The following TARS3 variants were observed in gnomAD, a reference collection of about 807,000 sequenced individuals.
TARS3 encodes the protein threonine--tRNA ligase 2, cytoplasmic.
TARS3 carries 94 observed loss-of-function variants against 103.5 expected under a neutral mutation model. The ratio of observed to expected loss-of-function variants is 0.91; its 90% CI spans 0.77 to 1.08. TARS3 has a LOEUF of 1.08. TARS3 is among the 50% of genes least tolerant of loss of function. TARS3 has a pLI of 0.00. For missense variants in TARS3, 952 were observed against 995.2 expected, an observed-to-expected ratio of 0.96 and a Z score of 0.58; for synonymous variants, 416 against 355.4, an observed-to-expected ratio of 1.17 and a Z score of -1.92.
chr15:101,695,431 C>T (rs1210678241), intron 10 of TARS3, among the ~76,000 whole-genome samples: 1 of 152,214 alleles, frequency 6.6e-6, no homozygotes, highest in Non-Finnish European at 1.5e-5. Flanking sequence ...CAGTATCTCA[C>T]TGCTTGTAAA....
At position 101,654,353 on chromosome 15, in the gene TARS3, G is replaced by A. The variant is rs1048059991; in HGVS notation, c.*229C>T. The A allele has an allele frequency of 1.6e-5, 7 of 425,882 alleles. No individual in the cohort carries two copies. Among genetic ancestry groups the A allele is most frequent in the Non-Finnish European group, 2.9e-5 (7 of 244,608 alleles). The allele number at this position is 425,882 out of a possible 1,614,324, so 26.4% of individuals were successfully genotyped here. Reference sequence around the variant, plus strand: ...ATATTTCCCCATTTAAGTTTCTCAAGGCATTGATTGCTGGAAAATTTCCCA... The same window carrying A: ...ATATTTCCCCATTTAAGTTTCTCAAAGCATTGATTGCTGGAAAATTTCCCA... On this transcript the variant is annotated 3_prime_UTR_variant, in exon 19 of 19. Transcript: ENST00000335968.
At chr15:101,685,075 A>G (rs1004896744) in intron 11 of TARS3, among the ~76,000 whole-genome samples, 1 of 152,208 alleles carries the variant, frequency 6.6e-6, no homozygotes, top group Non-Finnish European at 1.5e-5. Flanking sequence ...TTTACATGAC[A>G]TCATCATAAA....
At chr15:101,674,732 G>A (rs992785976) in intron 13 of TARS3, among the ~76,000 whole-genome samples, 1 of 151,828 alleles carries the variant, frequency 6.6e-6, no homozygotes. Flanking sequence ...GTGAACCCGG[G>A]AGGTGGAGCT....
chr15:101,701,048 G>A, intron 10 of TARS3, 38 bp downstream of exon 10: 2 of 1,298,758 alleles, frequency 1.5e-6, no homozygotes, highest in Non-Finnish European at 1.1e-6. Context: ...ATGTAAACTG[G>A]AATTGAATAA....
In TARS3 at chr15:101,671,553, A is replaced by G; in HGVS notation, c.1900T>C (p.Tyr634His). The G allele has an allele frequency of 6.2e-7, 1 of 1,612,006 alleles. No homozygotes were observed. The change falls in exon 15 of 19, where the codon TAC becomes CAC. Residue 634 changes from tyrosine (Y) to histidine (H), a missense_variant. Coordinates refer to ENST00000335968, the MANE Select transcript of TARS3 (RefSeq NM_152334.3). The stretch of plus-strand genomic sequence containing the variant: ...AGCTGAATTGTAGCACATTGATGGT[A>G]TCTGCCAATAGCATCCTTGATTTTT... ...DIKIKDAIGR[Y>H]HQCATIQLDF... is the part of the protein sequence containing the mutation.
intron 16 of TARS3, 69 bp from the exon 17 acceptor site, chr15:101,657,926 T>G: frequency 9.9e-7 from 1 of 1,007,562 alleles, no homozygotes; most frequent in South Asian, 1.6e-5. Context: ...GATTTTCAAA[T>G]AACCAAAGAT....
At chr15:101,689,717 C>T (rs879697365) in intron 10 of TARS3, among the ~76,000 whole-genome samples, 8 of 152,140 alleles carry the variant, frequency 5.3e-5, no homozygotes, top group South Asian at 2.1e-4. Flanking sequence ...AACACAGCCT[C>T]GTCAACACCT....
chr15:101,724,429 G>C lies in TARS3; in HGVS notation c.-42C>G. ...CACCGACGCCGAGCGGGGTGCCCGC[G>C]ACTGCGGCGAGGGCGACGCGGACAC... On this transcript the variant is annotated 5_prime_UTR_variant, in exon 1 of 19. Transcript: ENST00000335968. 1 of 1,360,698 alleles carries C rather than the reference G, an allele frequency of 7.3e-7. No individual in the cohort carries two copies. The highest frequency in any genetic ancestry group is 9.4e-7 in the Non-Finnish European group (1 of 1,064,126). The allele number at this position is 1,360,698 out of a possible 1,614,324, so 84.3% of individuals were successfully genotyped here.
chr15:101,714,887 C>CGACT lies in TARS3; in HGVS notation c.642_643insAGTC (p.Asp215SerfsTer11), dbSNP rs1596327758. 6.2e-7 allele frequency: 1 copy of CGACT among 1,613,400 alleles called. No individual in the cohort carries two copies. The highest frequency in any genetic ancestry group is 2.2e-5 in the East Asian group (1 of 44,846). On this transcript the variant is annotated frameshift_variant, in exon 4 of 19. Transcript: ENST00000335968. LOFTEE classifies it high-confidence loss of function. ...AATGTAAGCAGCTCTAGAGAAGAGT[C>CGACT]CCCTTCCAATGGGCGGTCCAGGTCC...
intron 12 of TARS3, among the ~76,000 whole-genome samples, chr15:101,679,459 A>C (rs1264692913): frequency 6.6e-6 from 1 of 151,796 alleles, no homozygotes; most frequent in Non-Finnish European, 1.5e-5. Context: ...GTTCTTCTTT[A>C]TATCTTCTAT....
chr15:101,715,199 T>C (rs1283031089), intron 3 of TARS3, among the ~76,000 whole-genome samples: 1 of 149,666 alleles, frequency 6.7e-6, no homozygotes, highest in African/African-American at 2.5e-5. Context: ...CAGGCTGGAG[T>C]GCAGTGGCGG....
intron 16 of TARS3, among the ~76,000 whole-genome samples, chr15:101,658,357 A>C (rs573364260): frequency 6.6e-6 from 1 of 152,122 alleles, no homozygotes; most frequent in South Asian, 2.1e-4. Flanking sequence ...ATCTCGAAAC[A>C]AAACAACATG....
chr15:101,686,279 A>G (rs1898471647), intron 10 of TARS3, among the ~76,000 whole-genome samples: 1 of 151,778 alleles, frequency 6.6e-6, no homozygotes, highest in South Asian at 2.1e-4. Context: ...ATTTTATAGC[A>G]TATAACAGTA....
intron 6 of TARS3, among the ~76,000 whole-genome samples, chr15:101,707,400 C>T (rs755174316): frequency 6.6e-6 from 1 of 152,164 alleles, no homozygotes; most frequent in East Asian, 1.9e-4. Flanking sequence ...TTCACAGCAG[C>T]GCTGTTCACA....
chr15:101,673,917 A>AT (rs1363646581), intron 13 of TARS3, among the ~76,000 whole-genome samples: 4 of 151,892 alleles, frequency 2.6e-5, no homozygotes, highest in Admixed American at 6.6e-5. Flanking sequence ...TATTTCTCAT[A>AT]TTGGTGTGTT....
At chr15:101,703,968 C>T in intron 7 of TARS3, 31 bp from the exon 8 acceptor site, 1 of 1,499,128 alleles carries the variant, frequency 6.7e-7, no homozygotes, top group South Asian at 1.1e-5. Flanking sequence ...CATGCTCAGG[C>T]ACAGTTACAG....
chr15:101,723,843 C>T (rs1438716635), intron 1 of TARS3, among the ~76,000 whole-genome samples: 1 of 152,228 alleles, frequency 6.6e-6, no homozygotes, highest in Admixed American at 6.5e-5. Flanking sequence ...AGATGCGTGG[C>T]AGGCTCTTTA....
chr15:101,703,838 T>A, intron 8 of TARS3, 21 bp downstream of exon 8: 1 of 1,519,492 alleles, frequency 6.6e-7, no homozygotes, highest in Non-Finnish European at 9.1e-7. Context: ...TTTACTGTAT[T>A]AAAAAAAAAT....
rs756504272 is a variant in TARS3, at chr15:101,714,978, G to A, written c.567-15C>T. On this transcript the variant is annotated splice_polypyrimidine_tract_variant and intron_variant, in intron 3 of 18. Coordinates refer to ENST00000335968, the MANE Select transcript of TARS3 (RefSeq NM_152334.3). ...CCAGTTCCTGACTAAGAAGACAAAA[G>A]CCACTTGGGAGTTAACTTTATCACT... The A allele has an allele frequency of 1.5e-5, 24 of 1,601,062 alleles. No homozygotes were observed. The highest frequency in any genetic ancestry group is 2.0e-5 in the Non-Finnish European group (23 of 1,174,372).
Sources: allele counts gnomAD v4.1 joint callset (sites outside exome capture counted in the v4.1 genomes callset), GRCh38; gene constraint gnomAD v4.1.1; transcripts MANE v1.5; gene names NCBI Gene and HGNC (gene_info 2026-07-23, HGNC 2026-07-21).